The following DNAAF5 variants were observed in gnomAD, a reference collection of about 807,000 sequenced individuals.
DNAAF5 encodes dynein axonemal assembly factor 5.
DNAAF5 carries 64 observed loss-of-function variants against 75.8 expected under a neutral mutation model. That is an observed-to-expected ratio of 0.84 (90% CI 0.69 to 1.04). The LOEUF (loss-of-function observed/expected upper bound fraction) is 1.04, where lower values mean the gene tolerates loss of function less well. Ranked by LOEUF, DNAAF5 falls within the 50% of genes least tolerant of loss-of-function variation. DNAAF5 has a pLI of 0.00. For synonymous variants in DNAAF5, 657 were observed against 557.2 expected, an observed-to-expected ratio of 1.18 and a Z score of -2.52; for missense variants, 1,269 against 1,178.5, an observed-to-expected ratio of 1.08 and a Z score of -1.12.
chr7:760,266 G>A (rs1034968617), intron 6 of DNAAF5, among the ~76,000 whole-genome samples: 2 of 152,206 alleles, frequency 1.3e-5, no homozygotes, highest in Non-Finnish European at 2.9e-5. Context: ...GAGGCTTAGA[G>A]TTTTAGAGCT....
chr7:755,646 G>A (rs1292111277), intron 5 of DNAAF5, among the ~76,000 whole-genome samples: 1 of 152,126 alleles, frequency 6.6e-6, no homozygotes, highest in Non-Finnish European at 1.5e-5. Context: ...TGGGAGGATC[G>A]CTTGAGCCCG....
intron 10 of DNAAF5, among the ~76,000 whole-genome samples, chr7:774,570 A>G (rs1418041808): frequency 8.0e-6 from 1 of 125,222 alleles, no homozygotes; most frequent in East Asian, 2.4e-4. Context: ...CATCGTTTCT[A>G]TGAACACCTC....
At chr7:769,181 G>A (rs372446488) in intron 8 of DNAAF5, 4 of 774,292 alleles carry the variant, frequency 5.2e-6, no homozygotes, top group Non-Finnish European at 7.2e-6. Flanking sequence ...GGCTCACATC[G>A]CGAGGTCCCC....
chr7:774,126 C>T lies in DNAAF5; in HGVS notation c.2010C>T (p.Ala670=). ...TGCAGTGGCATGCGGGGAGGACAGC[C>T]GCGGCCATCCGCACGGCTGCCGTGT... is the stretch of plus-strand genomic sequence containing the variant. ...PNLQWHAGRT[A]AAIRTAAVSC... is the part of the protein sequence containing the mutation. The change falls in exon 10 of 13, where the codon GCC becomes GCT. Residue 670 remains alanine (A), a synonymous_variant. Transcript: ENST00000297440. 6.2e-7 allele frequency: 1 copy of T among 1,613,030 alleles called. No individual in the cohort carries two copies. Among genetic ancestry groups the T allele is most frequent in the Non-Finnish European group, 8.5e-7 (1 of 1,179,996 alleles).
chr7:753,139 TG>T (rs1192711080), intron 4 of DNAAF5, among the ~76,000 whole-genome samples: 1 of 152,208 alleles, frequency 6.6e-6, no homozygotes, highest in Non-Finnish European at 1.5e-5. Context: ...CAGTTAAACG[TG>T]CACCTTCCCT....
chr7:779,884 C>T, intron 11 of DNAAF5, 69 bp from the exon 12 acceptor site: 1 of 1,376,834 alleles, frequency 7.3e-7, no homozygotes, highest in South Asian at 1.3e-5. Flanking sequence ...GAACTAAATG[C>T]CTTTGTGGAC....
chr7:740,873 C>T lies in DNAAF5; in HGVS notation c.835C>T (p.Arg279Cys), dbSNP rs755305361. The T allele has an allele frequency of 3.7e-6, 6 of 1,613,964 alleles. No individual in the cohort carries two copies. The highest frequency in any genetic ancestry group is 1.3e-5 in the African/African-American group (1 of 74,928). Residue 279 changes from arginine to cysteine, a missense_variant, in exon 3 of 13, where the codon CGT (arginine) becomes TGT (cysteine). Arg to Cys is a radical substitution (Grantham distance 180). Transcript: ENST00000297440. ...CGGCTGGCTGCTGTGTCTGCGTGACCGTTACTCCTTCTTCCACAAGCTCAT... is the reference window on the plus strand; with the variant it reads ...CGGCTGGCTGCTGTGTCTGCGTGACTGTTACTCCTTCTTCCACAAGCTCAT... ...VGGWLLCLRD[R>C]YSFFHKLIPL... is the part of the protein sequence containing the mutation.
intron 2 of DNAAF5, among the ~76,000 whole-genome samples, chr7:738,849 C>T (rs914178631): frequency 4.6e-5 from 7 of 152,204 alleles, no homozygotes; most frequent in African/African-American, 7.2e-5. Context: ...CTGTGGGTTC[C>T]GACAGACAGG....
At chr7:770,370 C>A in intron 8 of DNAAF5, 101 bp from the exon 9 acceptor site, 2 of 1,063,584 alleles carry the variant, frequency 1.9e-6, no homozygotes, top group African/African-American at 1.6e-5. Flanking sequence ...GCCGATAGTG[C>A]CCTCTCCCAG....
chr7:781,423 C>T (rs997363063), intron 12 of DNAAF5, among the ~76,000 whole-genome samples: 13 of 152,210 alleles, frequency 8.5e-5, no homozygotes, highest in Non-Finnish European at 1.9e-4. Flanking sequence ...CTTCATCTGT[C>T]CGTGGACACC....
At chr7:785,496 A>G (rs1277549216) in intron 12 of DNAAF5, 21 bp from the exon 13 acceptor site, 2 of 1,610,868 alleles carry the variant, frequency 1.2e-6, no homozygotes, top group Admixed American at 3.3e-5. Flanking sequence ...GGCATGTTCA[A>G]GGTGTTTTTC....
chr7:762,314 C>T (rs1047471910), intron 7 of DNAAF5, among the ~76,000 whole-genome samples: 1 of 151,970 alleles, frequency 6.6e-6, no homozygotes, highest in Non-Finnish European at 1.5e-5. Context: ...GGTGAAACCC[C>T]GTCTCTACTA....
In DNAAF5 at chr7:770,823, A is replaced by G. The variant is rs554103656; in HGVS notation, c.1931+205A>G. 1.3e-5 allele frequency: 7 copies of G among 529,304 alleles called. No homozygotes were observed. The South Asian group carries it at 1.9e-4, about 14-fold the overall frequency. The allele number at this position is 529,304 out of a possible 1,614,324, so 32.8% of individuals were successfully genotyped here. A position where few individuals can be genotyped will look rare whatever the true frequency, so the allele number is the denominator to read the frequency against. The stretch of plus-strand genomic sequence containing the variant: ...CACCTCCCTCCCCCACGCCGAGTCT[A>G]AGGTGGGCCGGGGGTCCCCACCTCC... On this transcript the variant is annotated intron_variant, in intron 9 of 12. Transcript: ENST00000297440.
At chr7:771,757 TG>T (rs932282409) in intron 9 of DNAAF5, 2 of 152,212 alleles carry the variant, frequency 1.3e-5, no homozygotes, top group Non-Finnish European at 2.9e-5. Context: ...CACACTCGGC[TG>T]TATTTTGGGA....
intron 7 of DNAAF5, 132 bp from the exon 8 acceptor site, chr7:763,674 T>G: frequency 9.6e-7 from 1 of 1,036,650 alleles, no homozygotes; most frequent in East Asian, 2.4e-5. Flanking sequence ...TGTGGCAGCC[T>G]CCCTCCCGAT....
chr7:740,868 G>T lies in DNAAF5; in HGVS notation c.830G>T (p.Arg277Leu), dbSNP rs760388668. Reference protein sequence around the residue: ...SVVGGWLLCLRDRYSFFHKLI... With the variant: ...SVVGGWLLCLLDRYSFFHKLI... ...GTGGGCGGCTGGCTGCTGTGTCTGC[G>T]TGACCGTTACTCCTTCTTCCACAAG... Residue 277 changes from arginine to leucine, a missense_variant, in exon 3 of 13, where the codon CGT (arginine) becomes CTT (leucine). By Grantham distance (102) the Arg-to-Leu change is moderately radical. Transcript: ENST00000297440. 5 of 1,613,960 alleles carry T rather than the reference G, an allele frequency of 3.1e-6. No individual in the cohort carries two copies. Among genetic ancestry groups the T allele is most frequent in the Non-Finnish European group, 4.2e-6 (5 of 1,180,046 alleles).
intron 2 of DNAAF5, among the ~76,000 whole-genome samples, chr7:733,730 G>A (rs1014635005): frequency 1.3e-5 from 2 of 152,120 alleles, no homozygotes; most frequent in African/African-American, 4.8e-5. Context: ...TCCTGACTTC[G>A]TGATCCGACT....
At chr7:765,734 G>A (rs543429748) in intron 8 of DNAAF5, among the ~76,000 whole-genome samples, 3 of 152,220 alleles carry the variant, frequency 2.0e-5, no homozygotes, top group East Asian at 3.9e-4. Flanking sequence ...ACGGTCTCAC[G>A]CTGTCACCCA....
intron 8 of DNAAF5, among the ~76,000 whole-genome samples, chr7:764,982 G>A (rs914614176): frequency 4.6e-5 from 7 of 152,018 alleles, no homozygotes; most frequent in East Asian, 3.8e-4. Context: ...TTAGCCAGGC[G>A]TGGTGGTGTG....
Sources: gnomAD v4.1 joint callset for allele counts (sites outside exome capture counted in the v4.1 genomes callset) on GRCh38, gnomAD v4.1.1 for gene constraint, MANE v1.5 for transcripts, NCBI Gene and HGNC (gene_info 2026-07-23, HGNC 2026-07-21) for gene names.